The following TXLNB variants were observed in gnomAD, a reference collection of about 807,000 sequenced individuals.
TXLNB encodes the protein beta-taxilin.
In TXLNB, 37 loss-of-function variants were observed where a neutral mutation model predicts 57.4. The ratio of observed to expected loss-of-function variants is 0.64; its 90% CI spans 0.50 to 0.85. TXLNB has a LOEUF of 0.85. Ranked by LOEUF, TXLNB falls within the 40% of genes least tolerant of loss-of-function variation. The probability of loss-of-function intolerance (pLI) is 0.00; values close to 1 mark genes in which losing one functional copy is unlikely to be tolerated. For synonymous variants in TXLNB, 302 were observed against 309.6 expected, an observed-to-expected ratio of 0.98 and a Z score of 0.26; for missense variants, 848 against 825.6, an observed-to-expected ratio of 1.03 and a Z score of -0.33.
chr6:139,321,633 C>CTTTTTTTT, the TXLNB span, among the ~76,000 whole-genome samples: 10 of 84,362 alleles, frequency 1.2e-4, 1 homozygote, highest in African/African-American at 2.6e-4. Flanking sequence ...ACTACTCTCT[C>CTTTTTTTT]TTTTTTTTTT....
the TXLNB span, among the ~76,000 whole-genome samples, chr6:139,302,609 C>CA: frequency 0.1 from 12,345 of 118,070 alleles, 691 homozygotes; most frequent in African/African-American, 0.14. Context: ...ACTAAAAATA[C>CA]AAAAAAAAAA....
the TXLNB span, among the ~76,000 whole-genome samples, chr6:139,196,437 T>G: frequency 7.0e-6 from 1 of 143,806 alleles, no homozygotes; most frequent in Non-Finnish European, 1.5e-5. Flanking sequence ...TGCAATGGTG[T>G]GATCTTGGCT....
chr6:139,209,757 A>G, the TXLNB span, among the ~76,000 whole-genome samples: 2 of 152,234 alleles, frequency 1.3e-5, no homozygotes, highest in African/African-American at 4.8e-5. Context: ...CTGAAACCAT[A>G]AAAATTCTAG....
At chr6:139,310,296 C>T in the TXLNB span, among the ~76,000 whole-genome samples, 1 of 152,140 alleles carries the variant, frequency 6.6e-6, no homozygotes, top group Non-Finnish European at 1.5e-5. Flanking sequence ...AACAAAGGAT[C>T]TGATTTATAA....
intron 4 of TXLNB, chr6:139,269,118 T>G (rs1435636874): frequency 1.3e-5 from 2 of 152,244 alleles, no homozygotes; most frequent in Admixed American, 1.3e-4. Context: ...TTGCCCAGGC[T>G]GGTCTCGAAT....
rs187001183 is a variant in TXLNB, at chr6:139,240,265, T to C, written c.*2261A>G. On this transcript the variant is annotated 3_prime_UTR_variant, in exon 10 of 10. Transcript: ENST00000358430. ...AAGGCTAAATTTTAACACAAAGGAC[T>C]ATAATAAAACATTCTTTGAATATTA... 1.3e-4 allele frequency: 20 copies of C among 152,784 alleles called. No individual in the cohort carries two copies. The highest frequency in any genetic ancestry group is 2.6e-4 in the Non-Finnish European group (18 of 68,028). The allele number at this position is 152,784 out of a possible 1,614,324, so 9.5% of individuals were successfully genotyped here.
chr6:139,246,344 T>C (rs1776066006), intron 8 of TXLNB, among the ~76,000 whole-genome samples: 1 of 152,220 alleles, frequency 6.6e-6, no homozygotes, highest in Non-Finnish European at 1.5e-5. Context: ...AGGTTGCTCA[T>C]TGTAAAATTT....
chr6:139,291,334 A>G (rs7759931), intron 1 of TXLNB, among the ~76,000 whole-genome samples: 1,624 of 152,340 alleles, frequency 0.011, 23 homozygotes, highest in African/African-American at 0.037. Context: ...ATGAAATAAA[A>G]TCTCAAGTAA....
At chr6:139,168,083 C>G in the TXLNB span, among the ~76,000 whole-genome samples, 2 of 152,224 alleles carry the variant, frequency 1.3e-5, no homozygotes, top group African/African-American at 4.8e-5. Flanking sequence ...CTCCTTCCCA[C>G]CAACCCTGCT....
the TXLNB span, among the ~76,000 whole-genome samples, chr6:139,318,939 CTTTT>C: frequency 7.5e-5 from 9 of 120,334 alleles, no homozygotes; most frequent in African/African-American, 3.1e-4. Flanking sequence ...GTCTTCCTTC[CTTTT>C]TTTTTTTTTT....
intron 2 of TXLNB, among the ~76,000 whole-genome samples, chr6:139,283,671 T>C (rs1462146466): frequency 6.9e-6 from 1 of 145,660 alleles, no homozygotes; most frequent in African/African-American, 2.5e-5. Flanking sequence ...TAGATCTTCA[T>C]TGTGTATACA....
the TXLNB span, among the ~76,000 whole-genome samples, chr6:139,224,679 C>G: frequency 6.6e-6 from 1 of 151,706 alleles, no homozygotes; most frequent in Non-Finnish European, 1.5e-5. Context: ...TAGCATACCA[C>G]AACTGACAGG....
At position 139,247,898 on chromosome 6, in the gene TXLNB, G is replaced by A. The variant is rs1422330532; in HGVS notation, c.1089C>T (p.Tyr363=). ...ETVLQAQLTL[Y]SGRFEEFQST... ...TCTGGAATTCTTCAAACCTTCCTGA[G>A]TAGAGAGTGAGCTGTAAACAGAGGA... Residue 363 remains tyrosine (Y), a synonymous_variant, in exon 8 of 10, where the codon TAC becomes TAT. Coordinates refer to ENST00000358430, the MANE Select transcript of TXLNB (RefSeq NM_153235.4). 6.2e-7 allele frequency: 1 copy of A among 1,603,706 alleles called. No individual in the cohort carries two copies.
At chr6:139,292,662 C>T (rs1207020101), upstream of TXLNB, among the ~76,000 whole-genome samples, 2 of 152,204 alleles carry the variant, frequency 1.3e-5, no homozygotes, top group Non-Finnish European at 2.9e-5. The surrounding 1 kb of genome is among the most constrained non-coding windows in gnomAD (Gnocchi z 4.0). Flanking sequence ...TCCCAGGTAA[C>T]TCTTCCCATC....
chr6:139,267,844 G>A (rs1776652843), intron 4 of TXLNB, among the ~76,000 whole-genome samples: 1 of 152,090 alleles, frequency 6.6e-6, no homozygotes, highest in African/African-American at 2.4e-5. Flanking sequence ...ATCAGATAAT[G>A]TAGACATCCA....
At chr6:139,222,746 G>A in the TXLNB span, among the ~76,000 whole-genome samples, 3 of 152,046 alleles carry the variant, frequency 2.0e-5, no homozygotes, top group Middle Eastern at 3.4e-3. Flanking sequence ...GGTGGAGATC[G>A]CAGTGAGCCG....
At position 139,255,608 on chromosome 6, in the gene TXLNB, G is replaced by C. The variant is rs866013283; in HGVS notation, c.1033C>G (p.Gln345Glu). Residue 345 changes from glutamine (Q) to glutamate (E), a missense_variant, in exon 7 of 10, where the codon CAG becomes GAG. Transcript: ENST00000358430. ...TCTTGCTCCTTCAGCACTTTCGCCT[G>C]AAGTTTCCACTCTGCTGCCTGGTTC... The part of the protein sequence containing the change: ...LLNQAAEWKL[Q>E]AKVLKEQETV... 3 of 1,613,882 alleles carry C rather than the reference G, an allele frequency of 1.9e-6. No individual in the cohort carries two copies. Among genetic ancestry groups the C allele is most frequent in the Middle Eastern group, 1.7e-4 (1 of 6,058 alleles).
At chr6:139,308,193 T>C in the TXLNB span, among the ~76,000 whole-genome samples, 1 of 152,318 alleles carries the variant, frequency 6.6e-6, no homozygotes, top group Admixed American at 6.5e-5. Context: ...TGATGGTTGT[T>C]AAGAAACTGT....
Position 139,242,812 on chromosome 6 carries a change from C to T in TXLNB, c.1769G>A (p.Cys590Tyr). The T allele has an allele frequency of 6.2e-7, 1 of 1,614,094 alleles. No individual in the cohort carries two copies. The highest frequency in any genetic ancestry group is 8.5e-7 in the Non-Finnish European group (1 of 1,180,032). ...CTGTGCTCCAACAGGGAGACCCTCG[C>T]ATTGGGTTTCTGCTCCCAACCCGGC... ...SPAGLGAETQ[C>Y]EGLPVGAQAD... Residue 590 changes from cysteine to tyrosine, a missense_variant, in exon 10 of 10, where the codon TGC (cysteine) becomes TAC (tyrosine). Physicochemically the swap from Cys to Tyr is radical, Grantham distance 194 (BLOSUM62 -2). Coordinates refer to ENST00000358430, the MANE Select transcript of TXLNB (RefSeq NM_153235.4).
Sources: allele counts gnomAD v4.1 joint callset (sites outside exome capture counted in the v4.1 genomes callset), GRCh38; gene constraint gnomAD v4.1.1; non-coding constraint Gnocchi (gnomAD v3.1); transcripts MANE v1.5; gene names NCBI Gene and HGNC (gene_info 2026-07-23, HGNC 2026-07-21).